ARHGAP39: variants seen among roughly 807,000 people sequenced by gnomAD.
ARHGAP39 encodes Rho GTPase activating protein 39, also known as rho GTPase-activating protein 39.
In ARHGAP39, 44 loss-of-function variants were observed where a neutral mutation model predicts 106.9. That is an observed-to-expected ratio of 0.41 (90% confidence interval 0.32 to 0.53). The LOEUF (loss-of-function observed/expected upper bound fraction) is 0.53, where lower values mean the gene tolerates loss of function less well. Among genes scored for constraint, ARHGAP39 ranks in the 20% least tolerant of loss-of-function variants. The pLI is 0.21. For synonymous variants in ARHGAP39, 768 were observed against 693.2 expected, an observed-to-expected ratio of 1.11 and a Z score of -1.69; for missense variants, 1,496 against 1,577.3, an observed-to-expected ratio of 0.95 and a Z score of 0.87.
In ARHGAP39 at chr8:144,552,677, T is replaced by A. The variant is rs552115521; in HGVS notation, c.596+2883A>T. On this transcript the variant is annotated intron_variant, in intron 4 of 11. Coordinates refer to ENST00000377307, the MANE Select transcript of ARHGAP39 (RefSeq NM_025251.3). Reference sequence around the variant, plus strand: ...AGTGCTGGTATCAAGCTGGTGAGATTTTTTTTTCTATCTCAATATGCAGAG... The same window carrying A: ...AGTGCTGGTATCAAGCTGGTGAGATATTTTTTTCTATCTCAATATGCAGAG... Among the ~76,000 whole-genome samples, 5 of 152,136 alleles carry A rather than the reference T, an allele frequency of 3.3e-5. 1 individual carries two copies. The South Asian group carries it at 1.0e-3, about 32-fold the overall frequency.
At chr8:144,700,276 G>A in the ARHGAP39 span, 2 of 152,314 alleles carry the variant, frequency 1.3e-5, no homozygotes, top group African/African-American at 4.8e-5. This position sits in a 1 kb window ranked among gnomAD's most constrained non-coding sequence, Gnocchi z 5.6. Flanking sequence ...CCAGGCGGGA[G>A]AGAGGGGAAC....
chr8:144,556,221 C>T (rs1367659702), intron 3 of ARHGAP39, among the ~76,000 whole-genome samples: 1 of 145,404 alleles, frequency 6.9e-6, no homozygotes, highest in Non-Finnish European at 1.5e-5. Context: ...GGAGGCGGAG[C>T]GTGCAGTGAG....
At chr8:144,629,890 G>A (rs1821019354) in intron 1 of ARHGAP39, among the ~76,000 whole-genome samples, 1 of 152,110 alleles carries the variant, frequency 6.6e-6, no homozygotes, top group Admixed American at 6.5e-5. Flanking sequence ...CTGAGGGATG[G>A]CAAAGGCGGC....
At position 144,533,308 on chromosome 8, in the gene ARHGAP39, G is replaced by T. The variant is rs1222107714; in HGVS notation, c.2706C>A (p.Asn902Lys). The T allele has an allele frequency of 1.2e-6, 2 of 1,612,920 alleles. No homozygotes were observed. The highest frequency in any genetic ancestry group is 2.2e-5 in the South Asian group (2 of 91,080). ...TCTTGGCATGCCGGATCTCCTCCAC[G>T]TTGGGCTTCTTCAGCCCCTGTGAAG... Reference protein sequence around the residue: ...TGAKKGLKKPNVEEIRHAKNA... With the variant: ...TGAKKGLKKPKVEEIRHAKNA... The change falls in exon 9 of 12, where the codon AAC (asparagine) becomes AAA (lysine). Residue 902 changes from asparagine (N) to lysine (K), a missense_variant. Around this residue, in one of 4 missense-constraint regions of ARHGAP39, gnomAD observed 470 missense variants for 605.1 expected, o/e 0.78. Transcript: ENST00000377307.
At chr8:144,606,586 T>G (rs1372087638) in intron 1 of ARHGAP39, among the ~76,000 whole-genome samples, 1 of 152,034 alleles carries the variant, frequency 6.6e-6, no homozygotes, top group Non-Finnish European at 1.5e-5. Flanking sequence ...GCAGGCTGTT[T>G]GTAGTTAAGA....
chr8:144,688,105 CT>C (rs201473241), upstream of ARHGAP39, among the ~76,000 whole-genome samples: 1,351 of 140,120 alleles, frequency 9.6e-3, 6 homozygotes, highest in African/African-American at 0.028. Flanking sequence ...ACATTTAACT[CT>C]TTTTTTTTTT....
intron 1 of ARHGAP39, among the ~76,000 whole-genome samples, chr8:144,673,243 G>T (rs1303927870): frequency 6.7e-6 from 1 of 149,824 alleles, no homozygotes; most frequent in African/African-American, 2.5e-5. Flanking sequence ...AGAAAGAAAA[G>T]AAACTGATCA....
At chr8:144,589,112 G>T (rs1586584777) in intron 2 of ARHGAP39, among the ~76,000 whole-genome samples, 1 of 152,306 alleles carries the variant, frequency 6.6e-6, no homozygotes, top group Admixed American at 6.5e-5. Context: ...GAAAGGCACC[G>T]GCGGCATGAC....
chr8:144,592,648 C>A (rs566570900), intron 2 of ARHGAP39, among the ~76,000 whole-genome samples: 6 of 140,474 alleles, frequency 4.3e-5, no homozygotes, highest in Admixed American at 3.5e-4. Flanking sequence ...CCCAGACCCT[C>A]GGGAAACCTG....
At position 144,535,436 on chromosome 8, in the gene ARHGAP39, A is replaced by G. The variant is rs183167362; in HGVS notation, c.2615-1234T>C. 4.1e-3 allele frequency among the ~76,000 whole-genome samples: 626 copies of G among 152,342 alleles called. 5 individuals carry two copies. Among genetic ancestry groups the G allele is most frequent in the African/African-American group, 0.014 (596 of 41,580 alleles). ...TCCAGCGTGGGACCATGTGGAACCA[A>G]GGGCCCCTCTGGGCAGGCTATGAGG... On this transcript the variant is annotated intron_variant, in intron 7 of 11. Coordinates refer to ENST00000377307, the MANE Select transcript of ARHGAP39 (RefSeq NM_025251.3).
chr8:144,546,923 A>C (rs1223839836), intron 5 of ARHGAP39, among the ~76,000 whole-genome samples: 1 of 151,928 alleles, frequency 6.6e-6, no homozygotes, highest in African/African-American at 2.4e-5. Flanking sequence ...AGCAGCCCAC[A>C]CCCCACGGGG....
At chr8:144,618,936 C>A (rs1820711029) in intron 1 of ARHGAP39, among the ~76,000 whole-genome samples, 1 of 152,238 alleles carries the variant, frequency 6.6e-6, no homozygotes, top group Admixed American at 6.5e-5. Context: ...CCCTATGAGG[C>A]AGGTGTGCTC....
intron 1 of ARHGAP39, among the ~76,000 whole-genome samples, chr8:144,629,422 G>A (rs1821007583): frequency 6.6e-6 from 1 of 152,214 alleles, no homozygotes. Context: ...GACCTCCAGG[G>A]CTTGGCTGCA....
At chr8:144,640,456 C>A (rs1206894921) in intron 1 of ARHGAP39, among the ~76,000 whole-genome samples, 1 of 152,196 alleles carries the variant, frequency 6.6e-6, no homozygotes, top group African/African-American at 2.4e-5. Context: ...TCCTCTTTGC[C>A]TGCTGCCATC....
chr8:144,560,913 C>A (rs1012791391), intron 3 of ARHGAP39, among the ~76,000 whole-genome samples: 8 of 152,214 alleles, frequency 5.3e-5, no homozygotes, highest in Admixed American at 1.3e-4. Context: ...AAAAATGACC[C>A]TTACACTAAC....
intron 1 of ARHGAP39, among the ~76,000 whole-genome samples, chr8:144,678,328 G>A (rs1000294807): frequency 6.6e-6 from 1 of 151,948 alleles, no homozygotes; most frequent in Non-Finnish European, 1.5e-5. Context: ...TCCCAGTCTA[G>A]AGGGGAGAAA....
chr8:144,529,197 T>G lies in ARHGAP39; in HGVS notation c.*1225A>C. ...GGACGCGCAGGGTCCATGTGCACTT[T>G]ATTCACTCGTGTCGTCGCCTCTCGG... On this transcript the variant is annotated 3_prime_UTR_variant, in exon 12 of 12. Coordinates refer to ENST00000377307, the MANE Select transcript of ARHGAP39 (RefSeq NM_025251.3). The G allele has an allele frequency of 1.2e-5, 4 of 328,816 alleles. No individual in the cohort carries two copies. The highest frequency in any genetic ancestry group is 2.2e-5 in the African/African-American group (1 of 45,518). The allele number at this position is 328,816 out of a possible 1,614,324, so 20.4% of individuals were successfully genotyped here.
In ARHGAP39 at chr8:144,670,714, C is replaced by T. The variant is rs568757465; in HGVS notation, c.-82+14972G>A. Among the ~76,000 whole-genome samples, 4 of 152,242 alleles carry T rather than the reference C, an allele frequency of 2.6e-5. No individual in the cohort carries two copies. The East Asian group carries it at 7.7e-4, about 29-fold the overall frequency. The stretch of plus-strand genomic sequence containing the variant: ...ACTCAATCTCCCTCCTGGAGGCTTG[C>T]CCTGAGCTCCTCATCTAAATGAAGC... On this transcript the variant is annotated intron_variant, in intron 1 of 11. Transcript: ENST00000377307. This position sits in a 1 kb window ranked among gnomAD's most constrained non-coding sequence, Gnocchi z 4.4.
chr8:144,658,737 G>A (rs945847515), intron 1 of ARHGAP39, among the ~76,000 whole-genome samples: 10 of 151,996 alleles, frequency 6.6e-5, no homozygotes, highest in African/African-American at 1.5e-4. Context: ...ACACATTACC[G>A]GAGGTCCTAG....
Sources: gnomAD v4.1 joint callset for allele counts (sites outside exome capture counted in the v4.1 genomes callset) on GRCh38, gnomAD v4.1.1 for gene constraint, gnomAD v4.1.1 regional missense constraint, Gnocchi (gnomAD v3.1) non-coding constraint, MANE v1.5 for transcripts, NCBI Gene and HGNC (gene_info 2026-07-23, HGNC 2026-07-21) for gene names.